The following CABCOCO1 variants were observed in gnomAD, a reference collection of about 807,000 sequenced individuals.
CABCOCO1 encodes the protein ciliary associated calcium binding coiled-coil 1.
In CABCOCO1, 28 loss-of-function variants were observed where a neutral mutation model predicts 35.7. The observed-to-expected ratio is 0.78, with a 90% CI of 0.58 to 1.07. The LOEUF (loss-of-function observed/expected upper bound fraction) is 1.07. CABCOCO1 is among the 50% of genes least tolerant of loss of function. CABCOCO1 has a pLI of 0.00. For missense variants in CABCOCO1, 326 were observed against 309.2 expected, an observed-to-expected ratio of 1.05 and a Z score of -0.41; for synonymous variants, 95 against 100.1, an observed-to-expected ratio of 0.95 and a Z score of 0.30.
intron 5 of CABCOCO1, among the ~76,000 whole-genome samples, chr10:61,736,382 A>T (rs1589147697): frequency 6.6e-6 from 1 of 152,130 alleles, no homozygotes; most frequent in African/African-American, 2.4e-5. Flanking sequence ...CCTCAGCACC[A>T]TTTATTTAAT....
At chr10:61,681,413 G>T (rs1353753585) in intron 3 of CABCOCO1, 101 bp downstream of exon 3, 2 of 876,228 alleles carry the variant, frequency 2.3e-6, no homozygotes, top group South Asian at 4.0e-5. Context: ...TTCCTTTAAT[G>T]AAAAATACGG....
intron 5 of CABCOCO1, among the ~76,000 whole-genome samples, chr10:61,728,429 C>A (rs1052955474): frequency 6.6e-6 from 1 of 152,086 alleles, no homozygotes; most frequent in African/African-American, 2.4e-5. Context: ...TATCACCCAG[C>A]CCCTGCAGAT....
intron 5 of CABCOCO1, among the ~76,000 whole-genome samples, chr10:61,700,392 A>T (rs550625613): frequency 6.3e-4 from 96 of 152,260 alleles, no homozygotes; most frequent in Non-Finnish European, 1.0e-3. Flanking sequence ...AAGCATATTT[A>T]CAAGAGAAAA....
chr10:61,690,633 A>G lies in CABCOCO1; in HGVS notation c.552+12A>G, dbSNP rs549481734. The G allele has an allele frequency of 3.2e-6, 5 of 1,550,778 alleles. No homozygotes were observed. Among genetic ancestry groups the G allele is most frequent in the Middle Eastern group, 1.7e-4 (1 of 5,932 alleles). On this transcript the variant is annotated intron_variant, in intron 5 of 7. Transcript: ENST00000648843. ...TGATAGGAACTGAGGTAAGTAATTT[A>G]TCTAGATGGAACAAGTTAAGCAGAA...
At chr10:61,738,593 A>G (rs1841477713) in intron 5 of CABCOCO1, among the ~76,000 whole-genome samples, 2 of 152,224 alleles carry the variant, frequency 1.3e-5, no homozygotes, top group African/African-American at 4.8e-5. Context: ...CATCTTAATG[A>G]TAAGTCCAGA....
At chr10:61,686,697 T>G (rs184836458) in intron 4 of CABCOCO1, among the ~76,000 whole-genome samples, 8 of 152,272 alleles carry the variant, frequency 5.3e-5, no homozygotes, top group South Asian at 4.2e-4. Flanking sequence ...ATTTATTACA[T>G]CCCCTGAAAT....
At chr10:61,664,555 A>G (rs897613356) in intron 1 of CABCOCO1, among the ~76,000 whole-genome samples, 5 of 152,170 alleles carry the variant, frequency 3.3e-5, no homozygotes, top group South Asian at 2.1e-4. Context: ...ACATTTTTCA[A>G]CTTCTTGGAG....
chr10:61,725,171 C>G (rs1042235085), intron 5 of CABCOCO1, among the ~76,000 whole-genome samples: 1 of 152,146 alleles, frequency 6.6e-6, no homozygotes, highest in African/African-American at 2.4e-5. Flanking sequence ...GGACTGTAAA[C>G]TAGTTCAACC....
At chr10:61,745,985 A>T (rs1435923530) in intron 5 of CABCOCO1, among the ~76,000 whole-genome samples, 1 of 152,188 alleles carries the variant, frequency 6.6e-6, no homozygotes, top group Non-Finnish European at 1.5e-5. Context: ...TTTTTTAAGG[A>T]TCACACCAAT....
chr10:61,680,590 TATGTTATACATGTATAAC>T (rs1287465605), intron 2 of CABCOCO1, among the ~76,000 whole-genome samples: 3 of 53,394 alleles, frequency 5.6e-5, no homozygotes, highest in South Asian at 5.5e-4. Flanking sequence ...ATATATAACA[TATGTTATACATGTATAAC>T]ATGTTATACA....
chr10:61,691,016 C>T (rs77950787), intron 5 of CABCOCO1, among the ~76,000 whole-genome samples: 2,284 of 152,064 alleles, frequency 0.015, 23 homozygotes, highest in Middle Eastern at 0.027. Context: ...TTTCATTCTA[C>T]TCATTGTTTA....
intron 2 of CABCOCO1, among the ~76,000 whole-genome samples, chr10:61,680,524 T>A (rs62635592): frequency 0.011 from 636 of 60,562 alleles, no homozygotes; most frequent in Non-Finnish European, 0.021. Context: ...TATAACATAT[T>A]ATATGTTATA....
intron 2 of CABCOCO1, among the ~76,000 whole-genome samples, chr10:61,679,325 A>AATC (rs752665828): frequency 0.043 from 5,802 of 134,298 alleles, 188 homozygotes; most frequent in African/African-American, 0.092. Flanking sequence ...ATCTATATCT[A>AATC]TATCTATCTA....
At chr10:61,742,636 A>T (rs774151200) in intron 5 of CABCOCO1, among the ~76,000 whole-genome samples, 1 of 152,186 alleles carries the variant, frequency 6.6e-6, no homozygotes, top group African/African-American at 2.4e-5. Flanking sequence ...GTCTTATAGG[A>T]TTATCACAAA....
intron 7 of CABCOCO1, among the ~76,000 whole-genome samples, chr10:61,765,106 G>A (rs1227967405): frequency 2.0e-5 from 3 of 152,052 alleles, no homozygotes; most frequent in Non-Finnish European, 2.9e-5. Flanking sequence ...ACACATATGT[G>A]TATAAGCTAC....
chr10:61,720,691 G>C (rs1464942989), intron 5 of CABCOCO1, among the ~76,000 whole-genome samples: 1 of 151,698 alleles, frequency 6.6e-6, no homozygotes, highest in African/African-American at 2.4e-5. Context: ...TCATGTGGTG[G>C]GGGGGCAGGT....
chr10:61,683,162 A>G (rs1367287404), intron 3 of CABCOCO1, among the ~76,000 whole-genome samples: 7 of 152,098 alleles, frequency 4.6e-5, no homozygotes, highest in Admixed American at 4.6e-4. Context: ...AAGTGCTAGG[A>G]TTACAGGCAT....
chr10:61,736,952 G>C (rs1841431459), intron 5 of CABCOCO1, among the ~76,000 whole-genome samples: 1 of 152,026 alleles, frequency 6.6e-6, no homozygotes, highest in South Asian at 2.1e-4. Context: ...TTTGGTTGCT[G>C]CTGATGTGTA....
At chr10:61,751,258 C>T (rs962762244) in intron 5 of CABCOCO1, among the ~76,000 whole-genome samples, 1 of 148,868 alleles carries the variant, frequency 6.7e-6, no homozygotes, top group African/African-American at 2.5e-5. Flanking sequence ...TATGGAGCAC[C>T]CACTCTGCTG....
Sources: allele counts gnomAD v4.1 joint callset (sites outside exome capture counted in the v4.1 genomes callset), GRCh38; gene constraint gnomAD v4.1.1; transcripts MANE v1.5; gene names NCBI Gene and HGNC (gene_info 2026-07-23, HGNC 2026-07-21).